Variants in NCOR1 observed in about 807,000 individuals in gnomAD.
The protein encoded by NCOR1 is protein phosphatase 1, regulatory subunit 109.
A neutral mutation model predicts 288.1 loss-of-function variants in NCOR1; 63 were observed. The ratio of observed to expected loss-of-function variants is 0.22; its 90% CI spans 0.18 to 0.27. The LOEUF (loss-of-function observed/expected upper bound fraction) is 0.27. Among genes scored for constraint, NCOR1 ranks in the 10% least tolerant of loss-of-function variants. The pLI is 1.00. For synonymous variants in NCOR1, 1,007 were observed against 1,065.9 expected (o/e 0.94, Z 1.08); for missense variants, 2,397 against 3,019.2 (o/e 0.79, Z 4.83).
At chr17:16,203,209 A>T (rs572256874) in intron 1 of NCOR1, among the ~76,000 whole-genome samples, 1 of 152,296 alleles carries the variant, frequency 6.6e-6, no homozygotes, top group Non-Finnish European at 1.5e-5. Context: ...CTTAAATCAG[A>T]ACATGTCACT....
At chr17:16,081,081 T>C (rs550380667) in intron 23 of NCOR1, among the ~76,000 whole-genome samples, 4 of 152,030 alleles carry the variant, frequency 2.6e-5, no homozygotes, top group African/African-American at 7.2e-5. Flanking sequence ...GAGAGTGGTA[T>C]CAGCAAATAC....
chr17:16,034,687 T>G, intron 45 of NCOR1, 78 bp downstream of exon 45: 1 of 1,296,766 alleles, frequency 7.7e-7, no homozygotes, highest in East Asian at 2.3e-5. Flanking sequence ...GAAGAGTTGC[T>G]GAATTTTGAA....
chr17:16,127,109 G>GTGTATA (rs1555685579), intron 14 of NCOR1, among the ~76,000 whole-genome samples: 18 of 64,086 alleles, frequency 2.8e-4, no homozygotes, highest in South Asian at 7.8e-4. Context: ...GTGTGTGTGT[G>GTGTATA]TATATGTATA....
At chr17:16,132,449 T>C (rs565881919) in intron 14 of NCOR1, among the ~76,000 whole-genome samples, 56 of 152,290 alleles carry the variant, frequency 3.7e-4, no homozygotes, top group African/African-American at 1.3e-3. Flanking sequence ...TCCTAAATAA[T>C]AACATTCAAC....
At chr17:16,134,974 A>G (rs2076176402) in intron 14 of NCOR1, among the ~76,000 whole-genome samples, 1 of 152,008 alleles carries the variant, frequency 6.6e-6, no homozygotes, top group Non-Finnish European at 1.5e-5. Flanking sequence ...CCTGACTAAC[A>G]CGGTGAAACC....
At chr17:16,127,619 GTATA>G (rs772226410) in intron 14 of NCOR1, among the ~76,000 whole-genome samples, 1 of 134,396 alleles carries the variant, frequency 7.4e-6, no homozygotes, top group Non-Finnish European at 1.6e-5. Flanking sequence ...ATGTGTATGT[GTATA>G]TATACATATA....
At chr17:16,037,374 A>G (rs953810093) in intron 44 of NCOR1, among the ~76,000 whole-genome samples, 1 of 152,198 alleles carries the variant, frequency 6.6e-6, no homozygotes, top group Non-Finnish European at 1.5e-5. Flanking sequence ...TAATGCTGAT[A>G]GACTTGCTTG....
At position 16,064,895 on chromosome 17, in the gene NCOR1, C is replaced by G. The variant is rs377698372; in HGVS notation, c.5076G>C (p.Pro1692=). The change falls in exon 34 of 46, where the codon CCG becomes CCC. Residue 1692 remains proline, a synonymous_variant. Coordinates refer to ENST00000268712, the MANE Select transcript of NCOR1 (RefSeq NM_006311.4). ...CTGGAGACATGGAAGCAGAGTTGTA[C>G]GGCCTGGGAGGGAAAGTAATCTGTG... is the stretch of plus-strand genomic sequence containing the variant. ...PGTQITFPPR[P]YNSASMSPGH... 13 of 1,611,798 alleles carry G rather than the reference C, an allele frequency of 8.1e-6. No individual in the cohort carries two copies. In the East Asian group the frequency reaches 2.7e-4, roughly 33 times the overall value.
At chr17:16,153,794 T>C (rs2153393918) in intron 6 of NCOR1, among the ~76,000 whole-genome samples, 1 of 152,256 alleles carries the variant, frequency 6.6e-6, no homozygotes. Flanking sequence ...CATATCATCT[T>C]TAATAGAAAC....
rs1971841523 is a variant in NCOR1, at chr17:16,030,743, T to A, written c.*1553A>T. ...TGGGCTTATGGCCTATCTCTGTCAC[T>A]AATTTAACTATATGGGCAAAGTACT... On this transcript the variant is annotated 3_prime_UTR_variant, in exon 46 of 46. Coordinates refer to ENST00000268712, the MANE Select transcript of NCOR1 (RefSeq NM_006311.4). 1 of 179,564 alleles carries A rather than the reference T, an allele frequency of 5.6e-6. No homozygotes were observed. The highest frequency in any genetic ancestry group is 9.2e-5 in the East Asian group (1 of 10,816). The allele number at this position is 179,564 out of a possible 1,614,324, so 11.1% of individuals were successfully genotyped here.
chr17:16,097,062 T>C (rs1415417315), intron 21 of NCOR1, among the ~76,000 whole-genome samples: 1 of 152,240 alleles, frequency 6.6e-6, no homozygotes, highest in Non-Finnish European at 1.5e-5. Flanking sequence ...TATGACATAA[T>C]GTGGCACAAT....
chr17:16,174,581 A>G (rs1016944151), intron 3 of NCOR1, among the ~76,000 whole-genome samples: 1 of 152,218 alleles, frequency 6.6e-6, no homozygotes, highest in Admixed American at 6.5e-5. Flanking sequence ...TTTTCTATCT[A>G]GAAATCAGAC....
rs1208834417 is a variant in NCOR1, at chr17:16,034,882, G to A, written c.7018C>T (p.Pro2340Ser). 6.2e-7 allele frequency: 1 copy of A among 1,614,102 alleles called. No individual in the cohort carries two copies. The highest frequency in any genetic ancestry group is 8.5e-7 in the Non-Finnish European group (1 of 1,180,010). ...SNSRKSKSPI[P>S]GQGYLGTERP... ...TCCGTTCCTAAGTAGCCTTGCCCAG[G>A]TATAGGAGACTTAGATTTCCTGCTG... Residue 2340 changes from proline to serine, a missense_variant, in exon 45 of 46, where the codon CCT (proline) becomes TCT (serine). Physicochemically the swap from Pro to Ser is moderately conservative, Grantham distance 74. Coordinates refer to ENST00000268712, the MANE Select transcript of NCOR1 (RefSeq NM_006311.4).
intron 19 of NCOR1, among the ~76,000 whole-genome samples, chr17:16,107,540 G>A (rs2153044814): frequency 6.6e-6 from 1 of 152,270 alleles, no homozygotes; most frequent in East Asian, 1.9e-4. Flanking sequence ...CCAGAACCGT[G>A]AGAAAATTAA....
At chr17:16,096,302 TA>T (rs574295625) in intron 21 of NCOR1, among the ~76,000 whole-genome samples, 112 of 142,780 alleles carry the variant, frequency 7.8e-4, no homozygotes, top group Non-Finnish European at 1.3e-3. Flanking sequence ...GAATGATCAA[TA>T]AAAAAAAAAT....
chr17:16,108,955 G>GA (rs545289248), intron 18 of NCOR1, 43 bp from the exon 19 acceptor site: 522 of 1,453,272 alleles, frequency 3.6e-4, no homozygotes, highest in South Asian at 7.7e-4. Context: ...TAACTAAAAA[G>GA]AAAAAAAAAT....
chr17:16,104,251 T>G (rs2068163567), intron 19 of NCOR1, among the ~76,000 whole-genome samples: 1 of 151,320 alleles, frequency 6.6e-6, no homozygotes, highest in East Asian at 1.9e-4. Flanking sequence ...CATGAATGGT[T>G]GTGAAAACCT....
chr17:16,206,478 C>CG (rs1365920851), intron 1 of NCOR1, among the ~76,000 whole-genome samples: 1 of 152,174 alleles, frequency 6.6e-6, no homozygotes, highest in Non-Finnish European at 1.5e-5. Flanking sequence ...CTCCACCTCC[C>CG]AGTTTCAAGT....
chr17:16,166,705 T>G (rs958625926), intron 4 of NCOR1, among the ~76,000 whole-genome samples: 16 of 151,992 alleles, frequency 1.1e-4, no homozygotes, highest in African/African-American at 3.6e-4. Flanking sequence ...AAAATCAGAT[T>G]TGGTGTATAA....
Sources: gnomAD v4.1 joint callset for allele counts (sites outside exome capture counted in the v4.1 genomes callset) on GRCh38, gnomAD v4.1.1 for gene constraint, MANE v1.5 for transcripts, NCBI Gene and HGNC (gene_info 2026-07-23, HGNC 2026-07-21) for gene names.